The following VPS13B variants were observed in gnomAD, a reference collection of about 807,000 sequenced individuals.
The protein encoded by VPS13B is intermembrane lipid transfer protein VPS13B.
Under a neutral mutation model 426.4 loss-of-function variants are expected in VPS13B, and 285 were observed. The ratio of observed to expected loss-of-function variants is 0.67; its 90% CI spans 0.61 to 0.74. VPS13B has a LOEUF of 0.74. Among genes scored for constraint, VPS13B ranks in the 30% least tolerant of loss-of-function variants. VPS13B has a pLI of 0.00. For missense variants in VPS13B, 4,537 were observed against 4,782.6 expected, an observed-to-expected ratio of 0.95 and a Z score of 1.51; for synonymous variants, 1,676 against 1,676.4, an observed-to-expected ratio of 1.00 and a Z score of 0.01.
chr8:99,376,786 C>A (rs1393054585), intron 19 of VPS13B, among the ~76,000 whole-genome samples: 1 of 151,744 alleles, frequency 6.6e-6, no homozygotes, highest in South Asian at 2.1e-4. Context: ...AATTTATATG[C>A]CATTTTGTTT....
intron 3 of VPS13B, among the ~76,000 whole-genome samples, chr8:99,053,226 G>A (rs1417276511): frequency 6.6e-6 from 1 of 151,864 alleles, no homozygotes; most frequent in Non-Finnish European, 1.5e-5. Context: ...TGCCATGTTT[G>A]TGTGCTGCAC....
In VPS13B at chr8:99,134,862, A is replaced by G. The variant is rs1306502533; in HGVS notation, c.1302+135A>G. The G allele has an allele frequency of 1.1e-5, 13 of 1,167,042 alleles. No individual in the cohort carries two copies. The East Asian group carries it at 1.6e-4, about 14-fold the overall frequency. 72.3% of individuals were successfully genotyped at this position (1,167,042 alleles called of 1,614,324 possible). On this transcript the variant is annotated intron_variant, in intron 9 of 61. Transcript: ENST00000357162. The stretch of plus-strand genomic sequence containing the variant: ...GTTTCTTATTTTAATAGAGTTTACT[A>G]TCTCATGGATAGTATAAATAAATAG...
chr8:99,730,632 A>C (rs1198405901), intron 39 of VPS13B, among the ~76,000 whole-genome samples: 2 of 152,014 alleles, frequency 1.3e-5, no homozygotes, highest in African/African-American at 4.8e-5. Context: ...AGAGAGAGAC[A>C]CAAAAGTGGA....
In VPS13B at chr8:99,560,618, A is replaced by C. The variant is rs1053543379; in HGVS notation, c.4949+3965A>C. ...GGTGTAAATTTGGATGAAGAAGCAC[A>C]TACAGCCAGCCAGGGTAAATTTCAG... On this transcript the variant is annotated intron_variant, in intron 31 of 61. Transcript: ENST00000357162. Among the ~76,000 whole-genome samples, 2 of 152,216 alleles carry C rather than the reference A, an allele frequency of 1.3e-5. 1 individual carries two copies. Among genetic ancestry groups the C allele is most frequent in the Admixed American group, 1.3e-4 (2 of 15,276 alleles).
intron 17 of VPS13B, among the ~76,000 whole-genome samples, chr8:99,204,925 A>G (rs1347541538): frequency 1.3e-5 from 2 of 152,224 alleles, no homozygotes; most frequent in African/African-American, 4.8e-5. Context: ...AATTAGTTCA[A>G]CCATTGTGGA....
intron 17 of VPS13B, among the ~76,000 whole-genome samples, chr8:99,202,518 G>A (rs554980914): frequency 6.6e-6 from 1 of 152,098 alleles, no homozygotes; most frequent in African/African-American, 2.4e-5. Context: ...TCCATGAATA[G>A]ACCCAATAAC....
chr8:99,498,667 T>G lies in VPS13B; in HGVS notation c.3871-3020T>G, dbSNP rs62534586. The stretch of plus-strand genomic sequence containing the variant: ...GATTTATACTTTAAACTATGAGTAA[T>G]TCTTTTCATGCTGACATGTTGATGG... On this transcript the variant is annotated intron_variant, in intron 25 of 61. Transcript: ENST00000357162. Among the ~76,000 whole-genome samples the G allele has an allele frequency of 8.3e-3, 1,258 of 152,338 alleles. 8 individuals carry two copies. The highest frequency in any genetic ancestry group is 0.013 in the Non-Finnish European group (861 of 68,010).
chr8:99,833,852 C>T (rs1397813415), intron 52 of VPS13B, among the ~76,000 whole-genome samples: 1 of 152,170 alleles, frequency 6.6e-6, no homozygotes, highest in African/African-American at 2.4e-5. Context: ...GCCTTCTTGG[C>T]TATCAAAAAG....
chr8:99,110,742 G>T (rs925361717), intron 5 of VPS13B, among the ~76,000 whole-genome samples: 6 of 151,726 alleles, frequency 4.0e-5, no homozygotes, highest in Admixed American at 1.3e-4. Flanking sequence ...CTTTAATGTG[G>T]ATTCTTAAGA....
At chr8:99,835,092 T>C in intron 52 of VPS13B, 105 bp from the exon 53 acceptor site, 1 of 1,428,836 alleles carries the variant, frequency 7.0e-7, no homozygotes, top group Non-Finnish European at 9.8e-7. Flanking sequence ...AAAACAGATA[T>C]TTTCGAGTTC....
At chr8:99,118,875 G>A (rs982274615) in intron 7 of VPS13B, among the ~76,000 whole-genome samples, 4 of 152,070 alleles carry the variant, frequency 2.6e-5, no homozygotes, top group East Asian at 1.9e-4. Flanking sequence ...CAAATTTCAC[G>A]TAGACATGTG....
intron 32 of VPS13B, among the ~76,000 whole-genome samples, chr8:99,576,881 A>G (rs1825802945): frequency 6.6e-6 from 1 of 152,180 alleles, no homozygotes; most frequent in Admixed American, 6.5e-5. Flanking sequence ...TAATTAGTCT[A>G]GCTGTCTTTA....
At chr8:99,766,035 C>T (rs1294377557) in intron 39 of VPS13B, among the ~76,000 whole-genome samples, 4 of 136,898 alleles carry the variant, frequency 2.9e-5, no homozygotes, top group African/African-American at 1.1e-4. Context: ...TTCCGTCTTT[C>T]TCCTACTTAT....
At chr8:99,850,325 G>A (rs529759061) in intron 55 of VPS13B, among the ~76,000 whole-genome samples, 1 of 123,394 alleles carries the variant, frequency 8.1e-6, no homozygotes, top group African/African-American at 3.6e-5. Flanking sequence ...ACATACATAA[G>A]TACGCATGTA....
At position 99,871,663 on chromosome 8, in the gene VPS13B, A is replaced by C; in HGVS notation, c.11711A>C (p.Gln3904Pro). The C allele has an allele frequency of 6.2e-7, 1 of 1,614,060 alleles. No homozygotes were observed. The highest frequency in any genetic ancestry group is 8.5e-7 in the Non-Finnish European group (1 of 1,180,034). Residue 3904 changes from glutamine (Q) to proline (P), a missense_variant, in exon 61 of 62, where the codon CAG becomes CCG. Gln to Pro is a moderately conservative substitution (Grantham distance 76). Transcript: ENST00000357162. ...AAGCAGAACAACTTACTCACAGTGC[A>C]GCTCAAGCAGCCAAGAGTGGCCTGT... ...DSKQNNLLTVQLKQPRVACDV... is the reference protein window; with the variant it reads ...DSKQNNLLTVPLKQPRVACDV...
intron 15 of VPS13B, among the ~76,000 whole-genome samples, chr8:99,166,598 G>A (rs182630778): frequency 1.3e-3 from 198 of 152,270 alleles, no homozygotes; most frequent in African/African-American, 4.4e-3. Context: ...AAATGGAAAC[G>A]CATCTCATCT....
intron 5 of VPS13B, among the ~76,000 whole-genome samples, chr8:99,105,524 G>T (rs901465755): frequency 6.6e-6 from 1 of 151,996 alleles, no homozygotes; most frequent in African/African-American, 2.4e-5. Flanking sequence ...GACTCTAGGC[G>T]CCTGCCAGCA....
At chr8:99,607,456 G>A (rs933777546) in intron 33 of VPS13B, among the ~76,000 whole-genome samples, 1 of 152,184 alleles carries the variant, frequency 6.6e-6, no homozygotes, top group South Asian at 2.1e-4. Flanking sequence ...GCCTAGACCT[G>A]TTTCAGATTG....
Position 99,163,150 on chromosome 8 carries a change from A to G in VPS13B, c.2208+6407A>G, listed in dbSNP as rs536479809. Among the ~76,000 whole-genome samples, 147 of 151,216 alleles carry G rather than the reference A, an allele frequency of 9.7e-4. 1 individual carries two copies. The highest frequency in any genetic ancestry group is 3.4e-3 in the African/African-American group (139 of 41,034). ...ATACAGAGTGCCGATTGGTGTATTTACAATCCCTGAGCTAGACATAAAGGT... is the reference window on the plus strand; with the variant it reads ...ATACAGAGTGCCGATTGGTGTATTTGCAATCCCTGAGCTAGACATAAAGGT... On this transcript the variant is annotated intron_variant, in intron 15 of 61. Transcript: ENST00000357162.
Sources: gnomAD v4.1 joint callset for allele counts (sites outside exome capture counted in the v4.1 genomes callset) on GRCh38, gnomAD v4.1.1 for gene constraint, MANE v1.5 for transcripts, NCBI Gene and HGNC (gene_info 2026-07-23, HGNC 2026-07-21) for gene names.